OPCML: variants seen among roughly 807,000 people sequenced by gnomAD.
OPCML encodes the protein opioid-binding protein/cell adhesion molecule.
Under a neutral mutation model 37.8 loss-of-function variants are expected in OPCML, and 13 were observed. The ratio of observed to expected loss-of-function variants is 0.34; its 90% confidence interval spans 0.22 to 0.55. The LOEUF is 0.55. Ranked by LOEUF, OPCML falls within the 20% of genes least tolerant of loss-of-function variation. The pLI is 0.91. For synonymous variants in OPCML, 176 were observed against 168.8 expected (o/e 1.04, Z -0.33); for missense variants, 341 against 435.6 (o/e 0.78, Z 1.93).
chr11:132,496,226 T>C (rs1251167177), intron 4 of OPCML, among the ~76,000 whole-genome samples: 1 of 152,168 alleles, frequency 6.6e-6, no homozygotes, highest in Non-Finnish European at 1.5e-5. Flanking sequence ...TGAGATAGCA[T>C]AAACGGATGG....
chr11:133,280,779 A>G (rs1437740585), intron 1 of OPCML, among the ~76,000 whole-genome samples: 1 of 152,190 alleles, frequency 6.6e-6, no homozygotes, highest in Non-Finnish European at 1.5e-5. Flanking sequence ...GATCCATTAT[A>G]TCGGCAAGGG....
intron 2 of OPCML, among the ~76,000 whole-genome samples, chr11:132,922,156 A>G (rs993681846): frequency 1.2e-4 from 18 of 151,994 alleles, no homozygotes; most frequent in Admixed American, 4.6e-4. Context: ...GGAATTATAG[A>G]TGTGAGCCAC....
At chr11:132,520,667 A>AATAT (rs10677758) in intron 4 of OPCML, among the ~76,000 whole-genome samples, 10 of 118,914 alleles carry the variant, frequency 8.4e-5, no homozygotes, top group Non-Finnish European at 1.3e-4. Flanking sequence ...TATGTAACTA[A>AATAT]ATATATATGT....
chr11:132,652,294 C>T (rs1315033079), intron 3 of OPCML, among the ~76,000 whole-genome samples: 2 of 151,404 alleles, frequency 1.3e-5, no homozygotes, highest in South Asian at 2.1e-4. Flanking sequence ...CTTTCTTGAG[C>T]TTTGTCCTCA....
Position 132,925,556 on chromosome 11 carries a change from G to T in OPCML, c.146+17370C>A, listed in dbSNP as rs118118411. ...AAACCCACGAAAGTATGGGGACTCC[G>T]CAAGGACTTATTCAAAAGTTTTACA... On this transcript the variant is annotated intron_variant, in intron 2 of 7. Transcript: ENST00000524381. Among the ~76,000 whole-genome samples the T allele has an allele frequency of 9.9e-3, 1,504 of 152,224 alleles. 14 individuals carry two copies. The highest frequency in any genetic ancestry group is 0.016 in the Non-Finnish European group (1,117 of 68,004).
chr11:133,338,235 G>A (rs1943785255), intron 1 of OPCML, among the ~76,000 whole-genome samples: 1 of 152,096 alleles, frequency 6.6e-6, no homozygotes, highest in Non-Finnish European at 1.5e-5. Context: ...ATTCATCTCA[G>A]AGGTGATATC....
chr11:132,799,238 C>T (rs1041602555), intron 2 of OPCML, among the ~76,000 whole-genome samples: 7 of 152,094 alleles, frequency 4.6e-5, no homozygotes, highest in South Asian at 4.2e-4. Flanking sequence ...TGAGTGCAGC[C>T]GCCTTTACCA....
intron 1 of OPCML, among the ~76,000 whole-genome samples, chr11:133,041,249 G>A (rs925569845): frequency 6.6e-6 from 1 of 152,194 alleles, no homozygotes; most frequent in African/African-American, 2.4e-5. Context: ...GATAAAATTA[G>A]ATAACGCTTG....
At chr11:132,830,520 C>A (rs780686946) in intron 2 of OPCML, among the ~76,000 whole-genome samples, 1 of 152,198 alleles carries the variant, frequency 6.6e-6, no homozygotes, top group Non-Finnish European at 1.5e-5. Context: ...CACCAGGATG[C>A]CTTCTGCAGT....
chr11:132,546,931 C>T (rs1198145038), intron 3 of OPCML, among the ~76,000 whole-genome samples: 1 of 152,234 alleles, frequency 6.6e-6, no homozygotes, highest in African/African-American at 2.4e-5. Flanking sequence ...CTGTGTGGCC[C>T]TACCTTCCAC....
chr11:132,870,022 C>G (rs903023393), intron 2 of OPCML, among the ~76,000 whole-genome samples: 1 of 151,962 alleles, frequency 6.6e-6, no homozygotes, highest in Non-Finnish European at 1.5e-5. Context: ...CATCATGTAA[C>G]GCCCCTTCCC....
intron 3 of OPCML, among the ~76,000 whole-genome samples, chr11:132,656,101 A>G (rs1388879240): frequency 6.6e-6 from 1 of 152,112 alleles, no homozygotes; most frequent in Admixed American, 6.5e-5. Flanking sequence ...CGAACCTTTC[A>G]TTTGGTGGAG....
At chr11:133,245,341 T>G (rs1940882298) in intron 1 of OPCML, among the ~76,000 whole-genome samples, 1 of 152,252 alleles carries the variant, frequency 6.6e-6, no homozygotes, top group African/African-American at 2.4e-5. Context: ...TTAGGAACTT[T>G]TAGACACAGC....
intron 3 of OPCML, among the ~76,000 whole-genome samples, chr11:132,532,272 G>C (rs540575621): frequency 3.9e-5 from 6 of 152,096 alleles, no homozygotes; most frequent in Non-Finnish European, 8.8e-5. Flanking sequence ...CTGTAGCTCC[G>C]TCATGTTCTC....
chr11:133,263,978 TG>T (rs1394229236), intron 1 of OPCML, among the ~76,000 whole-genome samples: 5 of 152,198 alleles, frequency 3.3e-5, no homozygotes, highest in Admixed American at 3.3e-4. Flanking sequence ...ACGTTTAAAA[TG>T]GAACAGTGAA....
At chr11:132,533,542 C>T (rs1174678327) in intron 3 of OPCML, among the ~76,000 whole-genome samples, 5 of 152,132 alleles carry the variant, frequency 3.3e-5, no homozygotes, top group African/African-American at 1.2e-4. Flanking sequence ...TGCCTAAAAC[C>T]TCCAACATCT....
intron 1 of OPCML, among the ~76,000 whole-genome samples, chr11:133,280,182 T>A (rs532691982): frequency 6.6e-6 from 1 of 152,360 alleles, no homozygotes; most frequent in African/African-American, 2.4e-5. Context: ...TCTCTCTGTT[T>A]CATTGTATCT....
chr11:133,500,777 C>A (rs1367841658), intron 1 of OPCML, among the ~76,000 whole-genome samples: 1 of 152,132 alleles, frequency 6.6e-6, no homozygotes, highest in Non-Finnish European at 1.5e-5. Flanking sequence ...ACGGATAGCA[C>A]CAATTACTGA....
chr11:132,632,545 A>G (rs1451716196), intron 3 of OPCML, among the ~76,000 whole-genome samples: 5 of 152,082 alleles, frequency 3.3e-5, no homozygotes, highest in African/African-American at 9.7e-5. Flanking sequence ...CAGTGGCTCT[A>G]TGATTCTCAG....
Sources: allele counts gnomAD v4.1 joint callset (sites outside exome capture counted in the v4.1 genomes callset), GRCh38; gene constraint gnomAD v4.1.1; transcripts MANE v1.5; gene names NCBI Gene and HGNC (gene_info 2026-07-23, HGNC 2026-07-21).